Variants in PPA1 observed in about 807,000 individuals in gnomAD.
The protein encoded by PPA1 is inorganic pyrophosphatase.
Under a neutral mutation model 41.8 loss-of-function variants are expected in PPA1, and 23 were observed. That is an observed-to-expected ratio of 0.55 (90% CI 0.40 to 0.78). PPA1 has a LOEUF of 0.78. Ranked by LOEUF, PPA1 falls within the 30% of genes least tolerant of loss-of-function variation. The pLI, the probability that PPA1 is intolerant of heterozygous loss-of-function variation, is 0.00. For missense variants in PPA1, 320 were observed against 361.6 expected (o/e 0.89, Z 0.93); for synonymous variants, 101 against 116.8 (o/e 0.86, Z 0.87).
intron 10 of PPA1, 195 bp downstream of exon 10, chr10:70,204,675 AAAT>A (rs1236917752): frequency 2.6e-5 from 13 of 493,384 alleles, no homozygotes; most frequent in African/African-American, 2.4e-4. Context: ...ACCACACAAC[AAAT>A]AATGATTAAG....
At chr10:70,225,297 A>AACCTCC (rs2136769195) in intron 2 of PPA1, among the ~76,000 whole-genome samples, 1 of 152,162 alleles carries the variant, frequency 6.6e-6, no homozygotes, top group African/African-American at 2.4e-5. Flanking sequence ...AGCTCACTGC[A>AACCTCC]ACCTCCGTCT....
chr10:70,230,465 ATT>A (rs111837506), intron 1 of PPA1, 66 bp from the exon 2 acceptor site: 4 of 1,273,860 alleles, frequency 3.1e-6, no homozygotes, highest in Non-Finnish European at 3.2e-6. Flanking sequence ...CACAGTACAC[ATT>A]TTTTTTTTCT....
At position 70,220,777 on chromosome 10, in the gene PPA1, T is replaced by TA. The variant is rs1481038240; in HGVS notation, c.124-1961dup. Among the ~76,000 whole-genome samples, 5 of 30,532 alleles carry TA rather than the reference T, an allele frequency of 1.6e-4. 1 individual carries two copies. Among genetic ancestry groups the TA allele is most frequent in the African/African-American group, 8.0e-4 (5 of 6,216 alleles). The allele number at this position is 30,532 out of a possible 152,430, so 20.0% of individuals were successfully genotyped here. The stretch of plus-strand genomic sequence containing the variant: ...ATATATATAATTTATATATATATAA[T>TA]ATATATAATTTATATATATATAATA... On this transcript the variant is annotated intron_variant, in intron 2 of 10. Transcript: ENST00000373232.
chr10:70,219,832 TTTAA>T (rs1840116934), intron 2 of PPA1, among the ~76,000 whole-genome samples: 1 of 152,242 alleles, frequency 6.6e-6, no homozygotes, highest in South Asian at 2.1e-4. Context: ...CCATAGGTTA[TTTAA>T]TTAAACTTGA....
At chr10:70,210,591 GGC>G (rs1186642727) in intron 6 of PPA1, among the ~76,000 whole-genome samples, 1 of 152,076 alleles carries the variant, frequency 6.6e-6, no homozygotes, top group African/African-American at 2.4e-5. Context: ...CATCAACAAT[GGC>G]TAGCCTCAAT....
At chr10:70,226,694 G>A (rs534730200) in intron 2 of PPA1, among the ~76,000 whole-genome samples, 1 of 152,040 alleles carries the variant, frequency 6.6e-6, no homozygotes, top group Admixed American at 6.6e-5. Context: ...CAAGCAAAAG[G>A]GTCTGCATTT....
Position 70,209,675 on chromosome 10 carries a change from A to C in PPA1, c.522T>G (p.Asp174Glu). The C allele has an allele frequency of 3.1e-6, 5 of 1,596,116 alleles. No homozygotes were observed. The highest frequency in any genetic ancestry group is 4.3e-6 in the Non-Finnish European group (5 of 1,168,016). Reference sequence around the variant, plus strand: ...AGTAGCCAGGTTTCAGCCGTTTGACATCATTGATATCTAAGAAGAGAAGAA... The same window carrying C: ...AGTAGCCAGGTTTCAGCCGTTTGACCTCATTGATATCTAAGAAGAGAAGAA... ...PDAANYNDIN[D>E]VKRLKPGYLE... Residue 174 changes from aspartate to glutamate, a missense_variant, in exon 7 of 11, where the codon GAT becomes GAG. Physicochemically the swap from Asp to Glu is conservative, Grantham distance 45. Coordinates refer to ENST00000373232, the MANE Select transcript of PPA1 (RefSeq NM_021129.4).
chr10:70,203,243 C>T (rs1199018104), intron 10 of PPA1, 57 bp from the exon 11 acceptor site: 2 of 1,418,870 alleles, frequency 1.4e-6, no homozygotes, highest in African/African-American at 1.4e-5. Context: ...CAAAAATACA[C>T]CTAACATATA....
Position 70,209,637 on chromosome 10 carries a change from A to G in PPA1, c.560T>C (p.Val187Ala), listed in dbSNP as rs1839992242. 1 of 1,607,162 alleles carries G rather than the reference A, an allele frequency of 6.2e-7. No individual in the cohort carries two copies. Among genetic ancestry groups the G allele is most frequent in the Non-Finnish European group, 8.5e-7 (1 of 1,175,766 alleles). ...AACCTTATACCTTCTAAACCAGTCC[A>G]CAGTAGCTTCTAAGTAGCCAGGTTT... ...RLKPGYLEAT[V>A]DWFRRYKVPD... Residue 187 changes from valine (V) to alanine (A), a missense_variant, in exon 7 of 11, where the codon GTG becomes GCG. Physicochemically the swap from Val to Ala is moderately conservative, Grantham distance 64. Coordinates refer to ENST00000373232, the MANE Select transcript of PPA1 (RefSeq NM_021129.4).
At chr10:70,209,447 T>C (rs1460785912) in intron 7 of PPA1, 111 bp downstream of exon 7, 4 of 1,373,874 alleles carry the variant, frequency 2.9e-6, no homozygotes, top group Non-Finnish European at 4.0e-6. Context: ...ACCAAGACTG[T>C]GTTATGTTTC....
At chr10:70,232,433 C>T (rs2136775228) in intron 1 of PPA1, among the ~76,000 whole-genome samples, 1 of 152,310 alleles carries the variant, frequency 6.6e-6, no homozygotes, top group Admixed American at 6.5e-5. Flanking sequence ...CCTCCACCTA[C>T]AAGGCCAAAA....
chr10:70,231,284 A>T (rs1185468055), intron 1 of PPA1, among the ~76,000 whole-genome samples: 6 of 152,206 alleles, frequency 3.9e-5, no homozygotes, highest in African/African-American at 1.4e-4. Flanking sequence ...ATCAAAGTGG[A>T]GGCCAGGCAC....
chr10:70,224,192 C>T (rs1236361464), intron 2 of PPA1, among the ~76,000 whole-genome samples: 3 of 308 alleles, frequency 9.7e-3, no homozygotes, highest in African/African-American at 0.033. Flanking sequence ...AAGAGGATTG[C>T]TTAGACTAGG....
intron 2 of PPA1, among the ~76,000 whole-genome samples, chr10:70,229,955 C>G (rs952340254): frequency 3.9e-5 from 6 of 152,094 alleles, no homozygotes; most frequent in African/African-American, 1.4e-4. Flanking sequence ...TGTCACCCAG[C>G]TGGAGTACAG....
intron 2 of PPA1, among the ~76,000 whole-genome samples, chr10:70,226,739 A>C (rs1011578312): frequency 3.0e-4 from 45 of 152,306 alleles, no homozygotes; most frequent in African/African-American, 9.9e-4. Context: ...GCAATGACTA[A>C]TAATTTTGAG....
chr10:70,221,784 C>G (rs865989897), intron 2 of PPA1, among the ~76,000 whole-genome samples: 1 of 152,222 alleles, frequency 6.6e-6, no homozygotes, highest in African/African-American at 2.4e-5. Context: ...AAAACACCAC[C>G]AAATGAATAC....
intron 4 of PPA1, 44 bp downstream of exon 4, chr10:70,217,768 A>G: frequency 6.9e-7 from 1 of 1,445,108 alleles, no homozygotes; most frequent in African/African-American, 1.4e-5. Flanking sequence ...ATTAATATTT[A>G]GTAAGCTAAA....
chr10:70,216,829 T>C (rs568038597), intron 4 of PPA1, among the ~76,000 whole-genome samples: 1 of 152,316 alleles, frequency 6.6e-6, no homozygotes, highest in Admixed American at 6.5e-5. Context: ...ACCTACTACA[T>C]ACTGACATTG....
At chr10:70,220,646 T>A (rs1477625278) in intron 2 of PPA1, among the ~76,000 whole-genome samples, 1 of 4,566 alleles carries the variant, frequency 2.2e-4, no homozygotes, top group African/African-American at 9.8e-4. Flanking sequence ...ATATATATAA[T>A]TTATATATAT....
Sources: gnomAD v4.1 joint callset for allele counts (sites outside exome capture counted in the v4.1 genomes callset) on GRCh38, gnomAD v4.1.1 for gene constraint, MANE v1.5 for transcripts, NCBI Gene and HGNC (gene_info 2026-07-23, HGNC 2026-07-21) for gene names.